Variants in PAQR5 observed in about 807,000 individuals in gnomAD.
PAQR5 encodes membrane progestin receptor gamma.
In PAQR5, 20 loss-of-function variants were observed where a neutral mutation model predicts 34.5. The observed-to-expected ratio is 0.58, with a 90% CI of 0.41 to 0.84. The LOEUF (loss-of-function observed/expected upper bound fraction) is 0.84, where lower values mean the gene tolerates loss of function less well. Among genes scored for constraint, PAQR5 ranks in the 40% least tolerant of loss-of-function variants. The pLI, the probability that PAQR5 is intolerant of heterozygous loss-of-function variation, is 0.00. For synonymous variants in PAQR5, 131 were observed against 155.6 expected (o/e 0.84, Z 1.18); for missense variants, 378 against 412.7 (o/e 0.92, Z 0.73).
chr15:69,319,866 C>A (rs1277772156), intron 1 of PAQR5, among the ~76,000 whole-genome samples: 3 of 152,336 alleles, frequency 2.0e-5, no homozygotes, highest in African/African-American at 7.2e-5. Context: ...AGGTTCCCAG[C>A]CTGCTGCCCC....
chr15:69,356,956 A>G (rs1019616494), intron 2 of PAQR5, among the ~76,000 whole-genome samples: 1 of 152,042 alleles, frequency 6.6e-6, no homozygotes, highest in Non-Finnish European at 1.5e-5. Flanking sequence ...AGGTGTTTGT[A>G]TCATGGGGGC....
In PAQR5 at chr15:69,397,231, C is replaced by T. The variant is rs572237852; in HGVS notation, c.513-237C>T. ...TTCTGGCTTAGTCTGGACACCACTG[C>T]TTCCCATGGTCAGGAGATGGTGTCC... On this transcript the variant is annotated intron_variant, in intron 6 of 8. Coordinates refer to ENST00000395407, the MANE Select transcript of PAQR5 (RefSeq NM_017705.4). The T allele has an allele frequency of 8.6e-5, 57 of 663,652 alleles. No homozygotes were observed. In the East Asian group the frequency reaches 1.6e-3, roughly 18 times the overall value. 41.1% of individuals were successfully genotyped at this position (663,652 alleles called of 1,614,324 possible).
chr15:69,315,543 T>C (rs890126091), intron 1 of PAQR5, among the ~76,000 whole-genome samples: 8 of 151,962 alleles, frequency 5.3e-5, no homozygotes, highest in African/African-American at 1.7e-4. Context: ...TCCACCTTCT[T>C]ACCCAGCCTT....
intron 1 of PAQR5, among the ~76,000 whole-genome samples, chr15:69,307,157 C>T (rs2415038): frequency 0.4 from 60,409 of 151,390 alleles, 12,334 homozygotes; most frequent in African/African-American, 0.5. Context: ...TGCAGTGGCA[C>T]GATCTCGGCT....
chr15:69,304,516 C>T (rs1044574657), intron 1 of PAQR5, among the ~76,000 whole-genome samples: 5 of 152,178 alleles, frequency 3.3e-5, no homozygotes, highest in African/African-American at 9.7e-5. Context: ...GAGCTACAAT[C>T]ATTTTTGGCA....
At chr15:69,365,453 G>T (rs2055378273) in intron 3 of PAQR5, among the ~76,000 whole-genome samples, 1 of 152,274 alleles carries the variant, frequency 6.6e-6, no homozygotes, top group East Asian at 1.9e-4. Flanking sequence ...CATCTTTTGA[G>T]ATGATCATAT....
intron 1 of PAQR5, among the ~76,000 whole-genome samples, chr15:69,319,023 A>T (rs1021838175): frequency 2.6e-5 from 4 of 151,226 alleles, no homozygotes; most frequent in Non-Finnish European, 4.4e-5. Flanking sequence ...AATCCCAGGT[A>T]CCTGGGAGGC....
intron 2 of PAQR5, among the ~76,000 whole-genome samples, chr15:69,350,752 T>C (rs2054897042): frequency 6.6e-6 from 1 of 151,976 alleles, no homozygotes; most frequent in Non-Finnish European, 1.5e-5. Context: ...TTCCCAGACA[T>C]GAGCCAGTTT....
At chr15:69,322,772 G>A (rs373462112) in intron 1 of PAQR5, among the ~76,000 whole-genome samples, 362 of 12,834 alleles carry the variant, frequency 0.028, 53 homozygotes, top group East Asian at 0.11. Context: ...AAGAAGAAGA[G>A]GGAGAAGAAG....
intron 1 of PAQR5, among the ~76,000 whole-genome samples, chr15:69,332,199 G>T (rs2054395136): frequency 6.6e-6 from 1 of 152,184 alleles, no homozygotes; most frequent in African/African-American, 2.4e-5. Context: ...TTTGTGCTAA[G>T]AATTTGTTTT....
chr15:69,337,190 T>G (rs1222529122), intron 1 of PAQR5, among the ~76,000 whole-genome samples, 151 bp from the exon 2 acceptor site: 1 of 152,240 alleles, frequency 6.6e-6, no homozygotes, highest in Non-Finnish European at 1.5e-5. Context: ...AACAAGTGAG[T>G]AAAATATACT....
intron 2 of PAQR5, among the ~76,000 whole-genome samples, chr15:69,356,765 A>G (rs774374602): frequency 6.6e-6 from 1 of 152,206 alleles, no homozygotes; most frequent in Non-Finnish European, 1.5e-5. Context: ...GGCTCACTTC[A>G]CTTAGCTTAA....
At chr15:69,374,576 C>T (rs2055653684) in intron 3 of PAQR5, among the ~76,000 whole-genome samples, 2 of 152,164 alleles carry the variant, frequency 1.3e-5, no homozygotes, top group African/African-American at 4.8e-5. Flanking sequence ...ACTCAGGAGG[C>T]TGAGGCATGA....
chr15:69,328,167 G>A (rs2054296922), intron 1 of PAQR5, among the ~76,000 whole-genome samples: 1 of 152,184 alleles, frequency 6.6e-6, no homozygotes, highest in Non-Finnish European at 1.5e-5. Context: ...ACATTTGAAA[G>A]GATCAGAGAA....
chr15:69,390,355 TA>T lies in PAQR5; in HGVS notation c.512+576del, dbSNP rs200901942. On this transcript the variant is annotated intron_variant, in intron 6 of 8. Coordinates refer to ENST00000395407, the MANE Select transcript of PAQR5 (RefSeq NM_017705.4). ...TTATTTATTTATTTATTTATTTATT[TA>T]TTTATTTTTTTGAGACAGGGTCTCT... Among the ~76,000 whole-genome samples, 451 of 131,450 alleles carry T rather than the reference TA, an allele frequency of 3.4e-3. 11 individuals are homozygous for T. The highest frequency in any genetic ancestry group is 5.2e-3 in the African/African-American group (199 of 38,296). 86.2% of individuals were successfully genotyped at this position (131,450 alleles called of 152,430 possible).
rs1411193755 is a variant in PAQR5 at position 69,342,004 on chromosome 15, A to G, written c.-116+4503A>G. The stretch of plus-strand genomic sequence containing the variant: ...GATAGAAGTGAAATTGCTGGATTAT[A>G]TGGTAATTCTGTTTAACTTTTTGAG... On this transcript the variant is annotated intron_variant, in intron 2 of 8. Transcript: ENST00000395407. Among the ~76,000 whole-genome samples the G allele has an allele frequency of 4.0e-5, 6 of 151,896 alleles. No homozygotes were observed. The East Asian group carries it at 9.7e-4, about 24-fold the overall frequency.
intron 1 of PAQR5, among the ~76,000 whole-genome samples, chr15:69,335,589 G>A (rs377018019): frequency 8.9e-5 from 10 of 112,234 alleles, no homozygotes; most frequent in South Asian, 3.1e-4. Flanking sequence ...TCACTCTGTC[G>A]CCCAGGCTGG....
intron 1 of PAQR5, among the ~76,000 whole-genome samples, chr15:69,313,408 A>T (rs2053872665): frequency 6.6e-6 from 1 of 152,120 alleles, no homozygotes. Flanking sequence ...GCTGAGGTGG[A>T]AGGATCACTT....
At chr15:69,351,137 T>C (rs2054907145) in intron 2 of PAQR5, among the ~76,000 whole-genome samples, 1 of 152,202 alleles carries the variant, frequency 6.6e-6, no homozygotes, top group Admixed American at 6.5e-5. Context: ...AGGGCTATTA[T>C]GGTGGAAATG....
Sources: gnomAD v4.1 joint callset for allele counts (sites outside exome capture counted in the v4.1 genomes callset) on GRCh38, gnomAD v4.1.1 for gene constraint, MANE v1.5 for transcripts, NCBI Gene and HGNC (gene_info 2026-07-23, HGNC 2026-07-21) for gene names.